The following ANKRD44 variants were observed in gnomAD, a reference collection of about 807,000 sequenced individuals.
ANKRD44 encodes the protein serine/threonine-protein phosphatase 6 regulatory ankyrin repeat subunit B.
In ANKRD44, 35 loss-of-function variants were observed where a neutral mutation model predicts 116.0. The ratio of observed to expected loss-of-function variants is 0.30; its 90% CI spans 0.23 to 0.40. The LOEUF (loss-of-function observed/expected upper bound fraction) is 0.40. Among genes scored for constraint, ANKRD44 ranks in the 10% least tolerant of loss-of-function variants. The pLI is 1.00. For missense variants in ANKRD44, 1,014 were observed against 1,242.6 expected (o/e 0.82, Z 2.77); for synonymous variants, 435 against 461.8 (o/e 0.94, Z 0.74).
At chr2:197,274,202 A>C (rs1010299027) in intron 1 of ANKRD44, among the ~76,000 whole-genome samples, 1 of 151,760 alleles carries the variant, frequency 6.6e-6, no homozygotes, top group Non-Finnish European at 1.5e-5. Context: ...TGAGACACTA[A>C]CTAGTTAGGT....
Position 197,263,385 on chromosome 2 carries a change from G to T in ANKRD44, c.27+47193C>A. On this transcript the variant is annotated intron_variant, in intron 1 of 27. Transcript: ENST00000282272. ...TGGCGGGCTCTGGGGCTGGGATTGCGACTGTGTTTGGGAGCCTCATCATTG... is the reference window on the plus strand; with the variant it reads ...TGGCGGGCTCTGGGGCTGGGATTGCTACTGTGTTTGGGAGCCTCATCATTG... The T allele has an allele frequency of 4.9e-6, 3 of 617,142 alleles. No homozygotes were observed. In the South Asian group the frequency reaches 5.2e-5, roughly 11 times the overall value. 38.2% of individuals were successfully genotyped at this position (617,142 alleles called of 1,614,324 possible). A position where few individuals can be genotyped will look rare whatever the true frequency, so the allele number is the denominator to read the frequency against.
At chr2:197,295,075 G>C (rs973471288) in intron 1 of ANKRD44, among the ~76,000 whole-genome samples, 1 of 152,198 alleles carries the variant, frequency 6.6e-6, no homozygotes, top group African/African-American at 2.4e-5. Context: ...TTGTTTTAAG[G>C]AGGATTGTTT....
chr2:197,187,242 C>G (rs1280996532), intron 1 of ANKRD44, 136 bp from the exon 2 acceptor site: 2 of 764,064 alleles, frequency 2.6e-6, no homozygotes, highest in Non-Finnish European at 4.3e-6. Flanking sequence ...GAATAAGACT[C>G]AGACCAACCC....
chr2:197,298,168 T>TTTTGC (rs1559230631), intron 1 of ANKRD44, among the ~76,000 whole-genome samples: 1 of 152,252 alleles, frequency 6.6e-6, no homozygotes, highest in Non-Finnish European at 1.5e-5. Flanking sequence ...CCCATTAGAA[T>TTTTGC]TGAGACCTTG....
intron 21 of ANKRD44, among the ~76,000 whole-genome samples, chr2:196,972,560 A>T (rs2075723149): frequency 6.6e-6 from 1 of 152,220 alleles, no homozygotes; most frequent in Non-Finnish European, 1.5e-5. Flanking sequence ...GATGTTTGTC[A>T]AAATATGGTG....
chr2:196,989,065 C>T lies in ANKRD44; in HGVS notation c.*526G>A. On this transcript the variant is annotated 3_prime_UTR_variant, in exon 28 of 28. Transcript: ENST00000282272. ...GAAGAACCTGAGGGTCATCTGGAAA[C>T]CTTAGCAGTGGAAATGCTAGGTTTG... 3 of 985,382 alleles carry T rather than the reference C, an allele frequency of 3.0e-6. No individual in the cohort carries two copies. The highest frequency in any genetic ancestry group is 2.4e-6 in the Non-Finnish European group (2 of 829,986). The allele number at this position is 985,382 out of a possible 1,614,324, so 61.0% of individuals were successfully genotyped here. A position where few individuals can be genotyped will look rare whatever the true frequency, so the allele number is the denominator to read the frequency against.
chr2:197,284,365 C>A (rs2083345969), intron 1 of ANKRD44, among the ~76,000 whole-genome samples: 1 of 152,076 alleles, frequency 6.6e-6, no homozygotes, highest in Non-Finnish European at 1.5e-5. Context: ...GAAAATCAAA[C>A]AATGGAGGCC....
chr2:197,303,501 G>A (rs1157742352), intron 1 of ANKRD44, among the ~76,000 whole-genome samples: 1 of 152,128 alleles, frequency 6.6e-6, no homozygotes, highest in African/African-American at 2.4e-5. Context: ...TTAGAGACAG[G>A]TTAGAATTGT....
chr2:197,123,662 A>G (rs1389295452), intron 6 of ANKRD44, among the ~76,000 whole-genome samples: 1 of 152,124 alleles, frequency 6.6e-6, no homozygotes, highest in African/African-American at 2.4e-5. Context: ...ACAAAGAAAC[A>G]AGCATATTTG....
intron 4 of ANKRD44, among the ~76,000 whole-genome samples, chr2:197,131,567 TAAGATACAACC>T (rs1429620412): frequency 1.3e-5 from 2 of 152,184 alleles, no homozygotes; most frequent in African/African-American, 4.8e-5. Flanking sequence ...ACTCTAAAGA[TAAGATACAACC>T]ATTTTTAACT....
chr2:197,018,841 C>T (rs531343482), intron 17 of ANKRD44, among the ~76,000 whole-genome samples: 2 of 152,164 alleles, frequency 1.3e-5, no homozygotes, highest in East Asian at 3.9e-4. Flanking sequence ...ATGTGCTGGG[C>T]ACTATTTCAA....
At chr2:197,076,970 A>C (rs1179147626) in intron 16 of ANKRD44, among the ~76,000 whole-genome samples, 1 of 152,188 alleles carries the variant, frequency 6.6e-6, no homozygotes, top group Non-Finnish European at 1.5e-5. Context: ...GAACATACAT[A>C]TGCATGTATC....
chr2:197,123,718 G>A (rs2078911978), intron 6 of ANKRD44, among the ~76,000 whole-genome samples: 1 of 152,180 alleles, frequency 6.6e-6, no homozygotes. Flanking sequence ...CAGGATCATT[G>A]CTCTAAATAT....
intron 11 of ANKRD44, 185 bp from the exon 12 acceptor site, chr2:197,088,959 T>G: frequency 2.1e-6 from 1 of 474,638 alleles, no homozygotes; most frequent in Non-Finnish European, 3.6e-6. Flanking sequence ...GGCAATTTTA[T>G]AGGAAGAACC....
At chr2:197,207,521 T>C (rs2081235067) in intron 1 of ANKRD44, among the ~76,000 whole-genome samples, 1 of 152,144 alleles carries the variant, frequency 6.6e-6, no homozygotes, top group African/African-American at 2.4e-5. Flanking sequence ...GAGAAAAACA[T>C]ATATTAGAAA....
At position 196,998,395 on chromosome 2, in the gene ANKRD44, G is replaced by A. The variant is rs745957531; in HGVS notation, c.2690C>T (p.Ala897Val). ...GTCCTTATCCTTTACAGTCAGATCA[G>A]CCTGGGCACTGTTCACCAAAATATC... ...AVDILVNSAQ[A>V]DLTVKDKDLN... is the part of the protein sequence containing the mutation. The change falls in exon 25 of 28, where the codon GCT becomes GTT. Residue 897 changes from alanine (A) to valine (V), a missense_variant. Transcript: ENST00000282272. 9 of 1,613,674 alleles carry A rather than the reference G, an allele frequency of 5.6e-6. No homozygotes were observed. In the East Asian group the frequency reaches 2.0e-4, roughly 36 times the overall value.
intron 1 of ANKRD44, among the ~76,000 whole-genome samples, chr2:197,216,752 A>C (rs2081453350): frequency 6.6e-6 from 1 of 152,080 alleles, no homozygotes; most frequent in Non-Finnish European, 1.5e-5. Context: ...GACTTTTTCC[A>C]GCAGAAAAAC....
At chr2:196,978,163 C>G (rs2075773456) in intron 21 of ANKRD44, among the ~76,000 whole-genome samples, 1 of 152,134 alleles carries the variant, frequency 6.6e-6, no homozygotes, top group South Asian at 2.1e-4. Flanking sequence ...GTCATGGAGG[C>G]AGATCCCTCA....
rs10535447 is a variant in ANKRD44 at position 197,039,680 on chromosome 2, CGTGTGTGTGTGTGTGT to C, written c.1651-14429_1651-14414del. On this transcript the variant is annotated intron_variant, in intron 16 of 27. Transcript: ENST00000282272. ...GTGTGGTGGTGATTGTGTGTGTGTG[CGTGTGTGTGTGTGTGT>C]GTGTGTGTGTGTGTGTGTGTGTGTG... 7.1e-3 allele frequency among the ~76,000 whole-genome samples: 1,000 copies of C among 141,548 alleles called. 7 individuals are homozygous for C. Among genetic ancestry groups the C allele is most frequent in the African/African-American group, 0.023 (867 of 37,546 alleles). The allele number at this position is 141,548 out of a possible 152,430, so 92.9% of individuals were successfully genotyped here.
Sources: allele counts gnomAD v4.1 joint callset (sites outside exome capture counted in the v4.1 genomes callset), GRCh38; gene constraint gnomAD v4.1.1; transcripts MANE v1.5; gene names NCBI Gene and HGNC (gene_info 2026-07-23, HGNC 2026-07-21).